The following DMXL2 variants were observed in gnomAD, a reference collection of about 807,000 sequenced individuals.
DMXL2 encodes dmX-like protein 2.
DMXL2 carries 103 observed loss-of-function variants against 331.1 expected under a neutral mutation model. The observed-to-expected ratio is 0.31, with a 90% CI of 0.27 to 0.37. The LOEUF (loss-of-function observed/expected upper bound fraction) is 0.37. DMXL2 is among the 10% of genes least tolerant of loss of function. The probability of loss-of-function intolerance (pLI) is 1.00; values close to 1 mark genes in which losing one functional copy is unlikely to be tolerated. For synonymous variants in DMXL2, 1,281 were observed against 1,252.1 expected (o/e 1.02, Z -0.49); for missense variants, 3,171 against 3,642.9 (o/e 0.87, Z 3.33).
At chr15:51,560,745 A>G (rs1375048724) in intron 6 of DMXL2, among the ~76,000 whole-genome samples, 1 of 151,384 alleles carries the variant, frequency 6.6e-6, no homozygotes, top group Non-Finnish European at 1.5e-5. Context: ...ACTAAATATT[A>G]CCTTATTTGG....
chr15:51,462,426 C>G (rs986240617), intron 33 of DMXL2, among the ~76,000 whole-genome samples: 12 of 152,096 alleles, frequency 7.9e-5, no homozygotes, highest in African/African-American at 2.9e-4. Context: ...ACCTCTGCCT[C>G]TCGGGTTCAA....
intron 14 of DMXL2, among the ~76,000 whole-genome samples, chr15:51,516,187 T>C (rs548701118): frequency 6.6e-6 from 1 of 152,326 alleles, no homozygotes; most frequent in Non-Finnish European, 1.5e-5. Flanking sequence ...CTAATCCTTT[T>C]CACATTTGGA....
chr15:51,566,256 T>C (rs1402470212), intron 3 of DMXL2, among the ~76,000 whole-genome samples: 1 of 103,872 alleles, frequency 9.6e-6, no homozygotes, highest in Non-Finnish European at 2.6e-5. Flanking sequence ...TGTGTGTGTG[T>C]GTGTGTGTGT....
intron 13 of DMXL2, among the ~76,000 whole-genome samples, chr15:51,519,554 T>A (rs561707440): frequency 6.6e-6 from 1 of 152,148 alleles, no homozygotes; most frequent in Admixed American, 6.5e-5. Context: ...AGTTTTATTT[T>A]TCTGGCTTTA....
chr15:51,480,706 A>G lies in DMXL2; in HGVS notation c.6400T>C (p.Leu2134=), dbSNP rs1353816985. The G allele has an allele frequency of 3.7e-6, 6 of 1,609,550 alleles. No homozygotes were observed. Among genetic ancestry groups the G allele is most frequent in the Non-Finnish European group, 5.1e-6 (6 of 1,177,458 alleles). The change falls in exon 24 of 44, where the codon TTG becomes CTG. Residue 2134 remains leucine, a synonymous_variant. Coordinates refer to ENST00000560891, the MANE Select transcript of DMXL2 (RefSeq NM_001378457.1). The stretch of plus-strand genomic sequence containing the variant: ...TCTGCATGCTCTCGTTTGGCCTGCA[A>G]TCTTCTTCTTTCTATTTGATGGCGC... ...YERHQIERRR[L]QAKREHAERR...
chr15:51,527,211 C>T (rs1452986757), intron 13 of DMXL2, among the ~76,000 whole-genome samples: 1 of 151,790 alleles, frequency 6.6e-6, no homozygotes, highest in African/African-American at 2.4e-5. Flanking sequence ...CAGTGGAAAC[C>T]TTATAGGCCA....
At chr15:51,604,453 A>T (rs1276255382) in intron 1 of DMXL2, among the ~76,000 whole-genome samples, 2 of 152,010 alleles carry the variant, frequency 1.3e-5, no homozygotes, top group African/African-American at 4.8e-5. Flanking sequence ...ACAAAATCAG[A>T]ATTTCTGTGC....
intron 1 of DMXL2, among the ~76,000 whole-genome samples, chr15:51,607,334 T>TA (rs1231706036): frequency 9.2e-5 from 14 of 151,960 alleles, no homozygotes; most frequent in African/African-American, 3.1e-4. Context: ...CAGGTGCCTG[T>TA]AGTCCCAGCT....
chr15:51,450,528 T>A (rs2039040516), intron 42 of DMXL2, 182 bp from the exon 43 acceptor site: 1 of 627,966 alleles, frequency 1.6e-6, no homozygotes, highest in Non-Finnish European at 2.7e-6. Context: ...TTAAGCAATG[T>A]CAGAACAAAC....
chr15:51,461,061 T>C (rs1432279828), intron 33 of DMXL2, among the ~76,000 whole-genome samples: 4 of 152,298 alleles, frequency 2.6e-5, no homozygotes, highest in Admixed American at 2.0e-4. Context: ...AGACAGTAAT[T>C]CCATTCAATG....
At chr15:51,544,903 T>C (rs998294375) in intron 8 of DMXL2, among the ~76,000 whole-genome samples, 2 of 151,972 alleles carry the variant, frequency 1.3e-5, no homozygotes, top group African/African-American at 4.8e-5. Flanking sequence ...ACAAGAAAAA[T>C]AGTAATCTAA....
chr15:51,507,267 GA>G lies in DMXL2; in HGVS notation c.2645-15del. 6.3e-7 allele frequency: 1 copy of G among 1,595,008 alleles called. No individual in the cohort carries two copies. The highest frequency in any genetic ancestry group is 8.5e-7 in the Non-Finnish European group (1 of 1,173,016). On this transcript the variant is annotated splice_polypyrimidine_tract_variant and intron_variant, in intron 15 of 43. Coordinates refer to ENST00000560891, the MANE Select transcript of DMXL2 (RefSeq NM_001378457.1). ...GTGGGCGGTATCCTATTATTCAAAG[GA>G]AAAGGATATTTAAATTAGTATGTTT...
intron 1 of DMXL2, among the ~76,000 whole-genome samples, chr15:51,582,800 T>A (rs959769085): frequency 6.6e-6 from 1 of 152,070 alleles, no homozygotes; most frequent in Non-Finnish European, 1.5e-5. Context: ...AGTAACAAGA[T>A]TTTCTTTTTC....
At chr15:51,463,521 C>G in intron 32 of DMXL2, 25 bp from the exon 33 acceptor site, 1 of 1,322,316 alleles carries the variant, frequency 7.6e-7, no homozygotes, top group Non-Finnish European at 1.1e-6. Context: ...TAACATATCA[C>G]ACTACTTTAG....
rs2038913320 is a variant in DMXL2 at position 51,449,158 on chromosome 15, T to A, written c.9003A>T (p.Ser3001=). The change falls in exon 44 of 44, where the codon TCA becomes TCT. Residue 3001 remains serine (S), a synonymous_variant. Coordinates refer to ENST00000560891, the MANE Select transcript of DMXL2 (RefSeq NM_001378457.1). ...WRLTGHGLIH[S]FKSEHAKQSI... ...ACTGCTTAGCATGTTCACTTTTAAA[T>A]GAATGAATTAGGCCATGGCCTGTCA... is the stretch of plus-strand genomic sequence containing the variant. 6.2e-6 allele frequency: 10 copies of A among 1,614,172 alleles called. No homozygotes were observed. The East Asian group carries it at 2.2e-4, about 36-fold the overall frequency.
chr15:51,504,833 A>G (rs558657282), intron 16 of DMXL2, among the ~76,000 whole-genome samples: 112 of 152,332 alleles, frequency 7.4e-4, no homozygotes, highest in Non-Finnish European at 2.1e-4. Flanking sequence ...CTTTCTCACC[A>G]GCAAACTAAG....
At chr15:51,571,678 A>G (rs942496080) in intron 2 of DMXL2, among the ~76,000 whole-genome samples, 1 of 152,244 alleles carries the variant, frequency 6.6e-6, no homozygotes, top group African/African-American at 2.4e-5. Context: ...CCTGCTCCTG[A>G]ATGACTACTG....
Position 51,456,845 on chromosome 15 carries a change from T to C in DMXL2, c.8338-476A>G, listed in dbSNP as rs989958901. On this transcript the variant is annotated intron_variant, in intron 37 of 43. Coordinates refer to ENST00000560891, the MANE Select transcript of DMXL2 (RefSeq NM_001378457.1). ...TAATAATAGCACCTACCACCTAGGA[T>C]TGTTGTGAGAAAAAGCATGTATCTG... is the stretch of plus-strand genomic sequence containing the variant. Among the ~76,000 whole-genome samples, 4 of 152,260 alleles carry C rather than the reference T, an allele frequency of 2.6e-5. No individual in the cohort carries two copies. In the East Asian group the frequency reaches 5.8e-4, roughly 22 times the overall value.
Position 51,466,042 on chromosome 15 carries a change from G to A in DMXL2, c.7520+142C>T, listed in dbSNP as rs2040537601. On this transcript the variant is annotated intron_variant, in intron 30 of 43. Coordinates refer to ENST00000560891, the MANE Select transcript of DMXL2 (RefSeq NM_001378457.1). Reference sequence around the variant, plus strand: ...ACACTATGTAGACATTGACCTCAAAGGTGTAGAATTTGTAACCTGGAAACA... The same window carrying A: ...ACACTATGTAGACATTGACCTCAAAAGTGTAGAATTTGTAACCTGGAAACA... 4 of 709,396 alleles carry A rather than the reference G, an allele frequency of 5.6e-6. No individual in the cohort carries two copies. The Admixed American group carries it at 1.4e-4, about 26-fold the overall frequency. 43.9% of individuals were successfully genotyped at this position (709,396 alleles called of 1,614,324 possible).
Sources: allele counts gnomAD v4.1 joint callset (sites outside exome capture counted in the v4.1 genomes callset), GRCh38; gene constraint gnomAD v4.1.1; transcripts MANE v1.5; gene names NCBI Gene and HGNC (gene_info 2026-07-23, HGNC 2026-07-21).